The following TAB2 variants were observed in gnomAD, a reference collection of about 807,000 sequenced individuals.
The protein encoded by TAB2 is TGF-beta-activated kinase 1 and MAP3K7-binding protein 2.
TAB2 carries 3 observed loss-of-function variants against 65.0 expected under a neutral mutation model. That is an observed-to-expected ratio of 0.05 (90% CI 0.02 to 0.12). The LOEUF is 0.12. TAB2 is among the 10% of genes least tolerant of loss of function. The pLI is 1.00. For missense variants in TAB2, 623 were observed against 840.3 expected (o/e 0.74, Z 3.20); for synonymous variants, 298 against 285.1 (o/e 1.05, Z -0.46).
At chr6:149,407,803 G>A (rs1421049460) in intron 6 of TAB2, among the ~76,000 whole-genome samples, 2 of 150,350 alleles carry the variant, frequency 1.3e-5, no homozygotes, top group Admixed American at 1.3e-4. Flanking sequence ...ATAATTCTAA[G>A]TTTACCAAGT....
intron 1 of TAB2, among the ~76,000 whole-genome samples, chr6:149,355,677 A>T (rs1267640332): frequency 6.6e-6 from 1 of 151,966 alleles, no homozygotes; most frequent in Non-Finnish European, 1.5e-5. Flanking sequence ...CAAAAAAAAA[A>T]AAAAAAACTA....
chr6:149,302,622 G>A (rs772368082), intron 1 of TAB2, among the ~76,000 whole-genome samples: 2 of 152,170 alleles, frequency 1.3e-5, no homozygotes, highest in African/African-American at 4.8e-5. Flanking sequence ...AGGAGTCCAC[G>A]TCTCCCAGCT....
At chr6:149,310,220 C>G (rs1263842410) in intron 1 of TAB2, among the ~76,000 whole-genome samples, 2 of 151,944 alleles carry the variant, frequency 1.3e-5, no homozygotes, top group African/African-American at 4.8e-5. Context: ...ACCTGTGGTC[C>G]CAGCTACTCA....
chr6:149,358,314 T>C (rs1360087504), intron 1 of TAB2, among the ~76,000 whole-genome samples: 1 of 151,106 alleles, frequency 6.6e-6, no homozygotes, highest in African/African-American at 2.5e-5. Context: ...TTTTATACAG[T>C]ATTTTACATT....
intron 1 of TAB2, among the ~76,000 whole-genome samples, chr6:149,329,021 T>G (rs1248946104): frequency 6.6e-6 from 1 of 152,112 alleles, no homozygotes; most frequent in Admixed American, 6.5e-5. Flanking sequence ...AGTAACTGTG[T>G]GTAGTTCTAC....
At chr6:149,332,692 C>T (rs580499) in intron 1 of TAB2, among the ~76,000 whole-genome samples, 132,496 of 152,116 alleles carry the variant, frequency 0.87, 57,763 homozygotes, top group Middle Eastern at 0.97. Context: ...ATTTATCTTA[C>T]AGATAAAAAC....
chr6:149,320,081 CTT>C (rs994484487), intron 1 of TAB2, among the ~76,000 whole-genome samples: 5 of 151,990 alleles, frequency 3.3e-5, no homozygotes, highest in Admixed American at 2.0e-4. Flanking sequence ...TTTTTGTTTT[CTT>C]TGTTTTTTGT....
intron 1 of TAB2, among the ~76,000 whole-genome samples, chr6:149,239,780 A>G (rs1489882152): frequency 6.6e-6 from 1 of 152,228 alleles, no homozygotes; most frequent in Non-Finnish European, 1.5e-5. Flanking sequence ...TATATGTGCC[A>G]GACACTGAGC....
At chr6:149,299,155 TG>T (rs1778928126) in intron 1 of TAB2, among the ~76,000 whole-genome samples, 1 of 152,256 alleles carries the variant, frequency 6.6e-6, no homozygotes, top group Admixed American at 6.5e-5. Context: ...GTTAAGAATC[TG>T]CCTGATTTTA....
At chr6:149,340,622 T>G (rs1379095894) in intron 1 of TAB2, among the ~76,000 whole-genome samples, 2 of 152,140 alleles carry the variant, frequency 1.3e-5, no homozygotes, top group Non-Finnish European at 2.9e-5. Flanking sequence ...AAAAAGTGGT[T>G]TATCTGAAGT....
chr6:149,346,764 C>T (rs1562426249), intron 1 of TAB2, among the ~76,000 whole-genome samples: 1 of 151,930 alleles, frequency 6.6e-6, no homozygotes, highest in Non-Finnish European at 1.5e-5. Context: ...GGTGATACTT[C>T]TTATAACTTT....
chr6:149,272,808 G>A (rs535879882), intron 1 of TAB2, among the ~76,000 whole-genome samples: 39 of 152,274 alleles, frequency 2.6e-4, no homozygotes, highest in African/African-American at 8.4e-4. Flanking sequence ...AGTTGGTCAC[G>A]CTATTGCCAC....
rs1782238075 is a variant in TAB2 at position 149,398,120 on chromosome 6, T to C, written c.1858+58T>C. On this transcript the variant is annotated intron_variant, in intron 5 of 6. Coordinates refer to ENST00000637181, the MANE Select transcript of TAB2 (RefSeq NM_001292034.3). ...TCGTATTTAATTCACCAGCAGTTTT[T>C]CTGTGGCTAAAAACAGACTTATCAA... The C allele has an allele frequency of 9.1e-6, 13 of 1,432,214 alleles. No homozygotes were observed. In the South Asian group the frequency reaches 1.5e-4, roughly 17 times the overall value. 88.7% of individuals were successfully genotyped at this position (1,432,214 alleles called of 1,614,324 possible).
chr6:149,365,071 C>G (rs534041698), intron 1 of TAB2, among the ~76,000 whole-genome samples: 3 of 152,194 alleles, frequency 2.0e-5, no homozygotes, highest in African/African-American at 4.8e-5. Flanking sequence ...GGAATTAACC[C>G]TCCTAGATCA....
chr6:149,311,237 T>G (rs1328594190), intron 1 of TAB2, among the ~76,000 whole-genome samples: 1 of 152,228 alleles, frequency 6.6e-6, no homozygotes, highest in Non-Finnish European at 1.5e-5. Flanking sequence ...AAATATGCTC[T>G]ATCTTTTCTG....
chr6:149,334,220 C>T (rs1004630647), intron 1 of TAB2, among the ~76,000 whole-genome samples: 4 of 152,168 alleles, frequency 2.6e-5, no homozygotes, highest in African/African-American at 9.7e-5. Flanking sequence ...ATCCTCAGGT[C>T]TCCTCTCTCT....
intron 1 of TAB2, among the ~76,000 whole-genome samples, chr6:149,225,486 C>T (rs1777249480): frequency 6.6e-6 from 1 of 152,100 alleles, no homozygotes; most frequent in Admixed American, 6.5e-5. Context: ...TGACATGACC[C>T]ATGGAATACC....
intron 6 of TAB2, among the ~76,000 whole-genome samples, chr6:149,403,190 C>A (rs946732513): frequency 1.4e-5 from 2 of 146,530 alleles, no homozygotes; most frequent in Non-Finnish European, 3.0e-5. Context: ...GCCAAGATCA[C>A]GCCATTGCAC....
At chr6:149,338,151 T>G (rs1779991206) in intron 1 of TAB2, among the ~76,000 whole-genome samples, 1 of 152,178 alleles carries the variant, frequency 6.6e-6, no homozygotes, top group African/African-American at 2.4e-5. Flanking sequence ...GTCTGAGGTA[T>G]CATCCTGTAA....
Sources: gnomAD v4.1 joint callset for allele counts (sites outside exome capture counted in the v4.1 genomes callset) on GRCh38, gnomAD v4.1.1 for gene constraint, MANE v1.5 for transcripts, NCBI Gene and HGNC (gene_info 2026-07-23, HGNC 2026-07-21) for gene names.